The following PCNX4 variants were observed in gnomAD, a reference collection of about 807,000 sequenced individuals.
PCNX4 encodes pecanex-like protein 4.
Under a neutral mutation model 107.2 loss-of-function variants are expected in PCNX4, and 103 were observed. The ratio of observed to expected loss-of-function variants is 0.96; its 90% CI spans 0.82 to 1.13. PCNX4 has a LOEUF of 1.13. Ranked by LOEUF, PCNX4 falls within the 50% of genes most tolerant of loss-of-function variation. PCNX4 has a pLI of 0.00. For missense variants in PCNX4, 1,528 were observed against 1,379.4 expected (o/e 1.11, Z -1.71); for synonymous variants, 541 against 481.7 (o/e 1.12, Z -1.61).
rs749344538 is a variant in PCNX4 at position 60,125,617 on chromosome 14, C to T, written c.3081-20C>T. 2.0e-5 allele frequency: 29 copies of T among 1,417,028 alleles called. No individual in the cohort carries two copies. Among genetic ancestry groups the T allele is most frequent in the East Asian group, 7.9e-5 (3 of 38,128 alleles). 87.8% of individuals were successfully genotyped at this position (1,417,028 alleles called of 1,614,324 possible). The stretch of plus-strand genomic sequence containing the variant: ...TGACAGCAAATATTCTAAAATTCTT[C>T]GGTTCTCCATTTTTTTTAGGTATAC... On this transcript the variant is annotated intron_variant, in intron 9 of 10. Transcript: ENST00000406854.
intron 1 of PCNX4, among the ~76,000 whole-genome samples, chr14:60,093,826 G>A (rs962744636): frequency 4.6e-5 from 7 of 152,100 alleles, no homozygotes; most frequent in African/African-American, 7.2e-5. Flanking sequence ...TGAGGGTTCT[G>A]ATTTCTCCAC....
At chr14:60,130,401 A>T (rs967188082) in intron 10 of PCNX4, among the ~76,000 whole-genome samples, 1 of 152,072 alleles carries the variant, frequency 6.6e-6, no homozygotes, top group Non-Finnish European at 1.5e-5. Flanking sequence ...ACACCCTTTC[A>T]TAGTAAAAAC....
Position 60,125,256 on chromosome 14 carries a change from T to G in PCNX4, c.3080+5T>G, listed in dbSNP as rs1896033186. 6.5e-7 allele frequency: 1 copy of G among 1,532,132 alleles called. No homozygotes were observed. Among genetic ancestry groups the G allele is most frequent in the East Asian group, 2.3e-5 (1 of 43,914 alleles). The allele number at this position is 1,532,132 out of a possible 1,614,324, so 94.9% of individuals were successfully genotyped here. Reference sequence around the variant, plus strand: ...ACTAGCACTGAAAGCATTCAGGTAATCCATTTTGATCATATGTAAGTTATA... The same window carrying G: ...ACTAGCACTGAAAGCATTCAGGTAAGCCATTTTGATCATATGTAAGTTATA... On this transcript the variant is annotated splice_donor_5th_base_variant and intron_variant, in intron 9 of 10. Transcript: ENST00000406854.
intron 6 of PCNX4, 82 bp from the exon 7 acceptor site, chr14:60,118,246 CT>C: frequency 1.5e-6 from 2 of 1,354,220 alleles, no homozygotes; most frequent in Non-Finnish European, 1.9e-6. Context: ...AATAAAATTA[CT>C]GTATAGTCTG....
In PCNX4 at chr14:60,115,358, A is replaced by G. The variant is rs764279200; in HGVS notation, c.1254A>G (p.Arg418=). The change falls in exon 4 of 11, where the codon CGA becomes CGG. Residue 418 remains arginine (R), a synonymous_variant. Transcript: ENST00000406854. ...IQSVYIIGIF[R]NPFYPKDVQT... Reference sequence around the variant, plus strand: ...GCGTATATATCATTGGAATTTTCCGAAATCCCTTTTATCCGAAGGATGTGC... The same window carrying G: ...GCGTATATATCATTGGAATTTTCCGGAATCCCTTTTATCCGAAGGATGTGC... 8 of 1,604,798 alleles carry G rather than the reference A, an allele frequency of 5.0e-6. No individual in the cohort carries two copies. The South Asian group carries it at 8.9e-5, about 18-fold the overall frequency.
intron 10 of PCNX4, among the ~76,000 whole-genome samples, chr14:60,126,762 T>A (rs1896062448): frequency 6.6e-6 from 1 of 152,164 alleles, no homozygotes; most frequent in Non-Finnish European, 1.5e-5. Flanking sequence ...AAGTAAAGAT[T>A]CCCTTCTGGC....
rs945276170 is a variant in PCNX4, at chr14:60,140,111, G to T, written c.*5890G>T. ...AAGCCAAAAGTTGATTCTTTGAAAA[G>T]ATAATTGATAAGTGTCTGGTAGACT... On this transcript the variant is annotated 3_prime_UTR_variant, in exon 11 of 11. Transcript: ENST00000406854. This position sits in a 1 kb window ranked among gnomAD's most constrained non-coding sequence, Gnocchi z 4.2. The T allele has an allele frequency of 6.6e-6, 1 of 152,114 alleles. No homozygotes were observed. Among genetic ancestry groups the T allele is most frequent in the Non-Finnish European group, 1.5e-5 (1 of 68,004 alleles). 9.4% of individuals were successfully genotyped at this position (152,114 alleles called of 1,614,324 possible).
chr14:60,110,732 C>T (rs1237712252), intron 2 of PCNX4: 1 of 166,964 alleles, frequency 6.0e-6, no homozygotes, highest in Non-Finnish European at 1.5e-5. Context: ...TGAATTTTAG[C>T]CATCAGAGTT....
In PCNX4 at chr14:60,139,213, A is replaced by G. The variant is rs1418616984; in HGVS notation, c.*4992A>G. 2 of 152,142 alleles carry G rather than the reference A, an allele frequency of 1.3e-5. No homozygotes were observed. The highest frequency in any genetic ancestry group is 2.9e-5 in the Non-Finnish European group (2 of 67,954). The allele number at this position is 152,142 out of a possible 1,614,324, so 9.4% of individuals were successfully genotyped here. On this transcript the variant is annotated 3_prime_UTR_variant, in exon 11 of 11. Transcript: ENST00000406854. ...GAAAGAAAACCCACAAAGTACCTTT[A>G]TGCAAGAGATGTCTTAAGTATAGGA...
At position 60,114,990 on chromosome 14, in the gene PCNX4, A is replaced by T. The variant is rs1285634517; in HGVS notation, c.886A>T (p.Ile296Phe). 6.2e-7 allele frequency: 1 copy of T among 1,601,506 alleles called. No homozygotes were observed. Among genetic ancestry groups the T allele is most frequent in the African/African-American group, 1.3e-5 (1 of 74,246 alleles). The change falls in exon 4 of 11, where the codon ATC becomes TTC. Residue 296 changes from isoleucine to phenylalanine, a missense_variant. Ile to Phe is a conservative substitution (Grantham distance 21). Coordinates refer to ENST00000406854, the MANE Select transcript of PCNX4 (RefSeq NM_001330177.2). ...STHLRLLVMF[I>F]MSAGTAIASY... ...TCTGTACAGGTTATTAGTAATGTTC[A>T]TCATGTCTGCTGGAACAGCTATAGC...
rs375539944 is a variant in PCNX4 at position 60,115,092 on chromosome 14, A to G, written c.988A>G (p.Ser330Gly). ...GFGFLLSLNL[S>G]DMGHKIGTKS... ...TGGTTTCTTGCTGAGTCTGAACTTAAGTGATATGGGTCACAAAATTGGAAC... is the reference window on the plus strand; with the variant it reads ...TGGTTTCTTGCTGAGTCTGAACTTAGGTGATATGGGTCACAAAATTGGAAC... Residue 330 changes from serine (S) to glycine (G), a missense_variant, in exon 4 of 11, where the codon AGT becomes GGT. By Grantham distance (56) the Ser-to-Gly change is moderately conservative. Coordinates refer to ENST00000406854, the MANE Select transcript of PCNX4 (RefSeq NM_001330177.2). 59 of 1,613,804 alleles carry G rather than the reference A, an allele frequency of 3.7e-5. No individual in the cohort carries two copies. The highest frequency in any genetic ancestry group is 5.3e-5 in the African/African-American group (4 of 74,892).
intron 8 of PCNX4, among the ~76,000 whole-genome samples, chr14:60,123,384 G>A (rs1347334925): frequency 1.3e-5 from 2 of 152,004 alleles, no homozygotes; most frequent in African/African-American, 2.4e-5. Flanking sequence ...TTTGAAACAG[G>A]AAAAAGGAAT....
Position 60,145,019 on chromosome 14 carries a change from A to G in PCNX4, c.*10798A>G, listed in dbSNP as rs1429140218. 3 of 1,579,704 alleles carry G rather than the reference A, an allele frequency of 1.9e-6. No individual in the cohort carries two copies. The highest frequency in any genetic ancestry group is 2.8e-5 in the African/African-American group (2 of 72,122). The stretch of plus-strand genomic sequence containing the variant: ...AAATAAGAAGAGTCTGCATCCTGTA[A>G]AAGAGGGACAGAAACATGGATCAGT... On this transcript the variant is annotated 3_prime_UTR_variant, in exon 11 of 11. Transcript: ENST00000406854. The surrounding 1 kb of genome is among the most constrained non-coding windows in gnomAD (Gnocchi z 4.0).
chr14:60,105,919 C>T (rs1357514354), intron 1 of PCNX4, among the ~76,000 whole-genome samples: 1 of 152,190 alleles, frequency 6.6e-6, no homozygotes, highest in East Asian at 1.9e-4. Flanking sequence ...CCTCCAAGTT[C>T]ATTTTCCTGT....
chr14:60,100,342 A>G (rs1030031022), intron 1 of PCNX4, among the ~76,000 whole-genome samples: 4 of 152,176 alleles, frequency 2.6e-5, no homozygotes, highest in African/African-American at 7.2e-5. Context: ...CTTGTCACCT[A>G]GGCTGGAGTG....
intron 7 of PCNX4, among the ~76,000 whole-genome samples, chr14:60,120,381 A>G (rs2140556061): frequency 6.6e-6 from 1 of 152,308 alleles, no homozygotes; most frequent in Non-Finnish European, 1.5e-5. Context: ...GCAGATGTTC[A>G]GTATATACTA....
rs1469112736 is a variant in PCNX4 at position 60,136,521 on chromosome 14, C to G, written c.*2300C>G. 2 of 152,230 alleles carry G rather than the reference C, an allele frequency of 1.3e-5. No homozygotes were observed. Among genetic ancestry groups the G allele is most frequent in the African/African-American group, 4.8e-5 (2 of 41,390 alleles). 9.4% of individuals were successfully genotyped at this position (152,230 alleles called of 1,614,324 possible). A position where few individuals can be genotyped will look rare whatever the true frequency, so the allele number is the denominator to read the frequency against. ...CTTCACTTGGTATATTAAAAACTGA[C>G]TGTTAGATTTTGAAGGGAAGGTGAG... On this transcript the variant is annotated 3_prime_UTR_variant, in exon 11 of 11. Transcript: ENST00000406854.
chr14:60,134,225 T>A lies in PCNX4; in HGVS notation c.*4T>A. 2.5e-6 allele frequency: 4 copies of A among 1,611,470 alleles called. No homozygotes were observed. Among genetic ancestry groups the A allele is most frequent in the African/African-American group, 1.3e-5 (1 of 74,954 alleles). ...TCTCCACATACATTTGTATTAGAGC[T>A]CATTTTGACTGTAATGTCATCAAAT... On this transcript the variant is annotated 3_prime_UTR_variant, in exon 11 of 11. Coordinates refer to ENST00000406854, the MANE Select transcript of PCNX4 (RefSeq NM_001330177.2).
chr14:60,134,233 A>C lies in PCNX4; in HGVS notation c.*12A>C, dbSNP rs763496640. On this transcript the variant is annotated 3_prime_UTR_variant, in exon 11 of 11. Transcript: ENST00000406854. ...TACATTTGTATTAGAGCTCATTTTG[A>C]CTGTAATGTCATCAAATGCAATGTT... 6.2e-7 allele frequency: 1 copy of C among 1,609,444 alleles called. No homozygotes were observed. The highest frequency in any genetic ancestry group is 2.2e-5 in the East Asian group (1 of 44,820).
Sources: allele counts gnomAD v4.1 joint callset (sites outside exome capture counted in the v4.1 genomes callset), GRCh38; gene constraint gnomAD v4.1.1; non-coding constraint Gnocchi (gnomAD v3.1); transcripts MANE v1.5; gene names NCBI Gene and HGNC (gene_info 2026-07-23, HGNC 2026-07-21).